The following C10orf53 variants were observed in gnomAD, a reference collection of about 807,000 sequenced individuals.
C10orf53 encodes chromosome 10 open reading frame 53, also known as UPF0728 protein C10orf53.
C10orf53 carries 8 observed loss-of-function variants against 9.4 expected under a neutral mutation model. The ratio of observed to expected loss-of-function variants is 0.85; its 90% CI spans 0.50 to 1.53. The LOEUF (loss-of-function observed/expected upper bound fraction) is 1.53. Among genes scored for constraint, C10orf53 ranks in the 40% most tolerant of loss-of-function variants. The probability of loss-of-function intolerance (pLI) is 0.00; values close to 1 mark genes in which losing one functional copy is unlikely to be tolerated. For synonymous variants in C10orf53, 48 were observed against 46.0 expected (o/e 1.04, Z -0.18); for missense variants, 117 against 117.8 (o/e 0.99, Z 0.03).
Position 49,696,188 on chromosome 10 carries a change from G to GGGTA in C10orf53, c.*1587_*1590dup, listed in dbSNP as rs1311983656. On this transcript the variant is annotated 3_prime_UTR_variant, in exon 3 of 3. Transcript: ENST00000374111. The stretch of plus-strand genomic sequence containing the variant: ...TTTCAACTTTTATTTTAGATACAGG[G>GGGTA]GGTACATGGGCAGGTATGTTGAATC... The GGGTA allele has an allele frequency of 6.6e-6, 1 of 152,022 alleles. No individual in the cohort carries two copies. The highest frequency in any genetic ancestry group is 1.5e-5 in the Non-Finnish European group (1 of 68,004). 9.4% of individuals were successfully genotyped at this position (152,022 alleles called of 1,614,324 possible).
At chr10:49,708,739 C>T (rs1347612454) in exon 3 of C10orf53, 108 of 1,427,376 alleles carry the variant, frequency 7.6e-5, no homozygotes, top group Non-Finnish European at 9.8e-5. Flanking sequence ...CCACATCTCC[C>T]GAACCTCTCC....
Position 49,693,901 on chromosome 10 carries a change from C to T in C10orf53, c.217+8C>T, listed in dbSNP as rs749420753. ...TTAAGGACTTGGAGTTCGGTAAGCC[C>T]TTTGGCGATGCTTCCAGCCAGCAAT... On this transcript the variant is annotated splice_region_variant and intron_variant, in intron 2 of 2. Coordinates refer to ENST00000374111, the MANE Select transcript of C10orf53 (RefSeq NM_001042427.3). 4.3e-6 allele frequency: 7 copies of T among 1,614,120 alleles called. No individual in the cohort carries two copies. In the African/African-American group the frequency reaches 9.3e-5, roughly 22 times the overall value.
chr10:49,694,238 T>A, intron 2 of C10orf53: 1 of 577,166 alleles, frequency 1.7e-6, no homozygotes, highest in Non-Finnish European at 3.0e-6. Flanking sequence ...GCTGCTTTTT[T>A]TCCACTTGTT....
chr10:49,694,845 G>T lies in C10orf53; in HGVS notation c.*243G>T, dbSNP rs1220466973. 3.0e-6 allele frequency: 4 copies of T among 1,332,196 alleles called. No individual in the cohort carries two copies. Among genetic ancestry groups the T allele is most frequent in the Non-Finnish European group, 3.8e-6 (4 of 1,042,236 alleles). The allele number at this position is 1,332,196 out of a possible 1,614,324, so 82.5% of individuals were successfully genotyped here. On this transcript the variant is annotated 3_prime_UTR_variant, in exon 3 of 3. Coordinates refer to ENST00000374111, the MANE Select transcript of C10orf53 (RefSeq NM_001042427.3). ...GTCTCAATCTCAACCCATAGGGAGA[G>T]CCCTCCAATATCAGGTACACATTGA...
At chr10:49,704,036 CCTA>C (rs1840705657) in intron 2 of C10orf53, among the ~76,000 whole-genome samples, 1 of 152,198 alleles carries the variant, frequency 6.6e-6, no homozygotes, top group Non-Finnish European at 1.5e-5. Context: ...CTGTCCTTAT[CCTA>C]CTATAAACTC....
In C10orf53 at chr10:49,695,302, G is replaced by A. The variant is rs1408308095; in HGVS notation, c.*700G>A. 6.6e-6 allele frequency: 1 copy of A among 152,158 alleles called. No homozygotes were observed. Among genetic ancestry groups the A allele is most frequent in the African/African-American group, 2.4e-5 (1 of 41,424 alleles). 9.4% of individuals were successfully genotyped at this position (152,158 alleles called of 1,614,324 possible). On this transcript the variant is annotated 3_prime_UTR_variant, in exon 3 of 3. Transcript: ENST00000374111. Reference sequence around the variant, plus strand: ...GAACACAGCCCCATAGAGTTAAAGAGGGTTTTCACTATGTTCAGTGTGAAA... The same window carrying A: ...GAACACAGCCCCATAGAGTTAAAGAAGGTTTTCACTATGTTCAGTGTGAAA...
At chr10:49,701,259 A>G (rs1840680851), downstream of C10orf53, among the ~76,000 whole-genome samples, 1 of 152,070 alleles carries the variant, frequency 6.6e-6, no homozygotes, top group African/African-American at 2.4e-5. Flanking sequence ...ATCTGCAGAC[A>G]CTTTCAGCAG....
chr10:49,679,876 C>T, intron 1 of C10orf53, 82 bp downstream of exon 1: 5 of 1,263,520 alleles, frequency 4.0e-6, no homozygotes, highest in Non-Finnish European at 5.2e-6. Flanking sequence ...CTAGGCCTTC[C>T]TCAGACCCCC....
At chr10:49,698,085 G>A (rs1000074469), downstream of C10orf53, among the ~76,000 whole-genome samples, 9 of 152,192 alleles carry the variant, frequency 5.9e-5, no homozygotes, top group Non-Finnish European at 1.0e-4. Context: ...GAGGCCAGGG[G>A]TTCCAGACCA....
chr10:49,688,522 T>C (rs543679496), intron 1 of C10orf53, among the ~76,000 whole-genome samples: 24 of 152,236 alleles, frequency 1.6e-4, no homozygotes, highest in African/African-American at 5.8e-4. Flanking sequence ...TGAAACAGCA[T>C]GACCTTTACC....
downstream of C10orf53, among the ~76,000 whole-genome samples, chr10:49,700,579 A>G (rs1319098482): frequency 6.6e-6 from 1 of 152,174 alleles, no homozygotes; most frequent in Non-Finnish European, 1.5e-5. Flanking sequence ...CATGGCCAGT[A>G]AACCATGGGC....
intron 2 of C10orf53, among the ~76,000 whole-genome samples, chr10:49,707,527 A>T (rs878986619): frequency 6.6e-6 from 1 of 152,214 alleles, no homozygotes; most frequent in African/African-American, 2.4e-5. Flanking sequence ...AACAGCCTAA[A>T]TAACACCAAA....
In C10orf53 at chr10:49,695,838, T is replaced by G. The variant is rs1222695835; in HGVS notation, c.*1236T>G. ...AGAAACTGAGGCTCAAAAGAGATTC[T>G]TCCTCCCAGTGTCTGGTGCTGGTTT... On this transcript the variant is annotated 3_prime_UTR_variant, in exon 3 of 3. Coordinates refer to ENST00000374111, the MANE Select transcript of C10orf53 (RefSeq NM_001042427.3). The G allele has an allele frequency of 1.3e-5, 2 of 152,216 alleles. No homozygotes were observed. The highest frequency in any genetic ancestry group is 1.5e-5 in the Non-Finnish European group (1 of 68,032). 9.4% of individuals were successfully genotyped at this position (152,216 alleles called of 1,614,324 possible).
chr10:49,701,157 G>A (rs1322607943), downstream of C10orf53, among the ~76,000 whole-genome samples: 2 of 152,146 alleles, frequency 1.3e-5, no homozygotes, highest in African/African-American at 4.8e-5. Flanking sequence ...TCCAGCGGAG[G>A]GCAGCACTCA....
intron 1 of C10orf53, among the ~76,000 whole-genome samples, chr10:49,683,913 C>A (rs796304761): frequency 5.3e-5 from 8 of 152,222 alleles, no homozygotes; most frequent in African/African-American, 1.9e-4. Context: ...AAGAAAGAAA[C>A]CATTGTCAAA....
downstream of C10orf53, among the ~76,000 whole-genome samples, chr10:49,698,651 C>T (rs188416185): frequency 1.4e-3 from 209 of 152,266 alleles, no homozygotes; most frequent in African/African-American, 4.8e-3. Context: ...GCCCAGGTCT[C>T]GGGCATAAGG....
In C10orf53 at chr10:49,696,957, C is replaced by G. The variant is rs1840641087; in HGVS notation, c.*2355C>G. On this transcript the variant is annotated 3_prime_UTR_variant, in exon 3 of 3. Coordinates refer to ENST00000374111, the MANE Select transcript of C10orf53 (RefSeq NM_001042427.3). Reference sequence around the variant, plus strand: ...CTGTAATCCCAGCACTTTGGGAATCCAAGGTGGGTGGATTTGTTTGAACAC... The same window carrying G: ...CTGTAATCCCAGCACTTTGGGAATCGAAGGTGGGTGGATTTGTTTGAACAC... Among the ~76,000 whole-genome samples, 1 of 152,256 alleles carries G rather than the reference C, an allele frequency of 6.6e-6. No individual in the cohort carries two copies. The highest frequency in any genetic ancestry group is 6.5e-5 in the Admixed American group (1 of 15,296).
At position 49,693,834 on chromosome 10, in the gene C10orf53, T is replaced by C; in HGVS notation, c.158T>C (p.Val53Ala). The change falls in exon 2 of 3, where the codon GTG becomes GCG. Residue 53 changes from valine to alanine, a missense_variant. By Grantham distance (64) the Val-to-Ala change is moderately conservative. Coordinates refer to ENST00000374111, the MANE Select transcript of C10orf53 (RefSeq NM_001042427.3). ...GAGAAGATAGAAGACTGGAATGTGG[T>C]GGAACTCATGGTGAATGAAGAAGTC... is the stretch of plus-strand genomic sequence containing the variant. ...ILEKIEDWNV[V>A]ELMVNEEVIF... 1.2e-6 allele frequency: 2 copies of C among 1,614,064 alleles called. No homozygotes were observed.
At chr10:49,681,563 G>A (rs1394323294) in intron 1 of C10orf53, among the ~76,000 whole-genome samples, 10 of 152,286 alleles carry the variant, frequency 6.6e-5, no homozygotes, top group South Asian at 6.2e-4. Flanking sequence ...TATTGGGATT[G>A]CCAAAACAAA....
Sources: gnomAD v4.1 joint callset for allele counts (sites outside exome capture counted in the v4.1 genomes callset) on GRCh38, gnomAD v4.1.1 for gene constraint, MANE v1.5 for transcripts, NCBI Gene and HGNC (gene_info 2026-07-23, HGNC 2026-07-21) for gene names.